The following AGBL4 variants were observed in gnomAD, a reference collection of about 807,000 sequenced individuals.
The protein encoded by AGBL4 is AGBL carboxypeptidase 4.
Under a neutral mutation model 66.4 loss-of-function variants are expected in AGBL4, and 58 were observed. The observed-to-expected ratio is 0.87, with a 90% CI of 0.71 to 1.09. The LOEUF (loss-of-function observed/expected upper bound fraction) is 1.09, where lower values mean the gene tolerates loss of function less well. Ranked by LOEUF, AGBL4 falls within the 50% of genes least tolerant of loss-of-function variation. AGBL4 has a pLI of 0.00. For synonymous variants in AGBL4, 234 were observed against 222.9 expected, an observed-to-expected ratio of 1.05 and a Z score of -0.44; for missense variants, 579 against 631.0, an observed-to-expected ratio of 0.92 and a Z score of 0.88.
chr1:49,091,913 T>C (rs1241436645), intron 4 of AGBL4, among the ~76,000 whole-genome samples: 1 of 151,892 alleles, frequency 6.6e-6, no homozygotes, highest in East Asian at 1.9e-4. Context: ...ATTATCGAAG[T>C]ATGAAGAAAT....
chr1:48,850,124 T>C (rs1420006270), intron 6 of AGBL4, among the ~76,000 whole-genome samples: 1 of 152,192 alleles, frequency 6.6e-6, no homozygotes, highest in Non-Finnish European at 1.5e-5. Context: ...AAATAAAAAC[T>C]CTAGGTAATT....
Position 49,188,754 on chromosome 1 carries a change from T to G in AGBL4, c.377+57016A>C, listed in dbSNP as rs188524079. Among the ~76,000 whole-genome samples the G allele has an allele frequency of 2.4e-3, 360 of 152,278 alleles. 1 individual carries two copies. Among genetic ancestry groups the G allele is most frequent in the South Asian group, 5.0e-3 (24 of 4,826 alleles). ...AAATACTGATTCCCACTCCCCAGAT[T>G]TACTAAATGTGTGACTTTGAGCAAG... On this transcript the variant is annotated intron_variant, in intron 4 of 13. Coordinates refer to ENST00000371839, the MANE Select transcript of AGBL4 (RefSeq NM_032785.4).
At chr1:49,396,064 C>T (rs577377402) in intron 3 of AGBL4, among the ~76,000 whole-genome samples, 3 of 151,428 alleles carry the variant, frequency 2.0e-5, no homozygotes, top group Admixed American at 6.6e-5. Flanking sequence ...TATAGCTGTC[C>T]TTGTGCTGCA....
At chr1:49,631,136 G>A (rs1571211512) in intron 3 of AGBL4, among the ~76,000 whole-genome samples, 1 of 152,284 alleles carries the variant, frequency 6.6e-6, no homozygotes, top group East Asian at 1.9e-4. Context: ...ACTCTAAGGT[G>A]TCCATCCAAA....
chr1:48,852,015 CTTTTTTTTTTTT>C (rs138826187), intron 6 of AGBL4, among the ~76,000 whole-genome samples: 1 of 71,932 alleles, frequency 1.4e-5, no homozygotes, highest in Non-Finnish European at 2.7e-5. Flanking sequence ...CAGATACGTA[CTTTTTTTTTTTT>C]TTTTTTTTTT....
intron 3 of AGBL4, among the ~76,000 whole-genome samples, chr1:49,351,934 A>C (rs1262311906): frequency 6.6e-6 from 1 of 152,228 alleles, no homozygotes; most frequent in African/African-American, 2.4e-5. Context: ...ATCGTGAGTC[A>C]TGCCCAAATT....
At chr1:49,200,425 G>A (rs1042942205) in intron 4 of AGBL4, among the ~76,000 whole-genome samples, 22 of 152,160 alleles carry the variant, frequency 1.4e-4, no homozygotes, top group Non-Finnish European at 2.8e-4. Flanking sequence ...ATACCAGCTA[G>A]GTGTCCTCTA....
chr1:48,968,809 T>C (rs1022302844), intron 5 of AGBL4, among the ~76,000 whole-genome samples: 1 of 152,122 alleles, frequency 6.6e-6, no homozygotes, highest in Non-Finnish European at 1.5e-5. Flanking sequence ...ATCTTCCTGA[T>C]GGCATTTTAA....
chr1:49,334,656 T>A (rs745391831), intron 3 of AGBL4, among the ~76,000 whole-genome samples: 4 of 152,152 alleles, frequency 2.6e-5, no homozygotes, highest in Non-Finnish European at 5.9e-5. Context: ...AAGCCCATGG[T>A]CTTCAATATT....
At chr1:49,973,672 T>C (rs1313139920) in intron 1 of AGBL4, among the ~76,000 whole-genome samples, 1 of 148,494 alleles carries the variant, frequency 6.7e-6, no homozygotes, top group Non-Finnish European at 1.5e-5. Context: ...ATGAATGATA[T>C]TGTATATTAT....
At chr1:49,295,994 G>C (rs1049112870) in intron 3 of AGBL4, among the ~76,000 whole-genome samples, 4 of 152,148 alleles carry the variant, frequency 2.6e-5, no homozygotes, top group African/African-American at 9.7e-5. Context: ...TTTGTCTAGA[G>C]AATGGCAACT....
At chr1:48,725,748 T>TG (rs1647233513) in intron 6 of AGBL4, among the ~76,000 whole-genome samples, 1 of 152,182 alleles carries the variant, frequency 6.6e-6, no homozygotes, top group African/African-American at 2.4e-5. Flanking sequence ...TTTGTATGGG[T>TG]GTAAGAATGA....
rs544419855 is a variant in AGBL4, at chr1:48,962,123, ATCCG to A, written c.594+83457_594+83460del. ...CATCCATCCATCCATCCATCCATCC[ATCCG>A]TCCATCCATCCATCATCCATCCAAC... On this transcript the variant is annotated intron_variant, in intron 5 of 13. Coordinates refer to ENST00000371839, the MANE Select transcript of AGBL4 (RefSeq NM_032785.4). 2.7e-3 allele frequency among the ~76,000 whole-genome samples: 405 copies of A among 150,412 alleles called. 7 individuals are homozygous for A. The highest frequency in any genetic ancestry group is 9.6e-3 in the South Asian group (46 of 4,786).
At chr1:49,253,553 G>C (rs1430982209) in intron 3 of AGBL4, among the ~76,000 whole-genome samples, 1 of 152,054 alleles carries the variant, frequency 6.6e-6, no homozygotes, top group Non-Finnish European at 1.5e-5. Context: ...ACCAAAAAAA[G>C]CTGGGGACCA....
chr1:49,228,007 T>C (rs1057285235), intron 4 of AGBL4, among the ~76,000 whole-genome samples: 1 of 152,162 alleles, frequency 6.6e-6, no homozygotes, highest in Non-Finnish European at 1.5e-5. Context: ...ATCTCTATAC[T>C]GTGATATCCA....
intron 3 of AGBL4, among the ~76,000 whole-genome samples, chr1:49,551,809 C>T (rs1652979633): frequency 6.6e-6 from 1 of 152,196 alleles, no homozygotes; most frequent in Non-Finnish European, 1.5e-5. Flanking sequence ...AGAGCATCAG[C>T]TGTGGTAGTA....
chr1:49,834,246 G>T (rs1236340504), intron 2 of AGBL4, among the ~76,000 whole-genome samples: 1 of 152,062 alleles, frequency 6.6e-6, no homozygotes, highest in Non-Finnish European at 1.5e-5. Context: ...ATTAATTATT[G>T]CCTCAATTTC....
chr1:48,673,026 A>G (rs765233804), intron 6 of AGBL4, among the ~76,000 whole-genome samples: 5 of 152,006 alleles, frequency 3.3e-5, no homozygotes, highest in Non-Finnish European at 7.4e-5. Flanking sequence ...GGCTAGTAAG[A>G]CTCTGAGCTG....
At chr1:49,165,172 G>A (rs1414192852) in intron 4 of AGBL4, among the ~76,000 whole-genome samples, 2 of 152,112 alleles carry the variant, frequency 1.3e-5, no homozygotes, top group Non-Finnish European at 2.9e-5. Context: ...AAAGGATATA[G>A]ACAAGGGGAA....
Sources: gnomAD v4.1 joint callset for allele counts (sites outside exome capture counted in the v4.1 genomes callset) on GRCh38, gnomAD v4.1.1 for gene constraint, MANE v1.5 for transcripts, NCBI Gene and HGNC (gene_info 2026-07-23, HGNC 2026-07-21) for gene names.